CFAP58: variants seen among roughly 807,000 people sequenced by gnomAD.
CFAP58 encodes the protein cilia- and flagella-associated protein 58.
A neutral mutation model predicts 119.5 loss-of-function variants in CFAP58; 88 were observed. That is an observed-to-expected ratio of 0.74 (90% CI 0.62 to 0.88). CFAP58 has a LOEUF of 0.88. Among genes scored for constraint, CFAP58 ranks in the 40% least tolerant of loss-of-function variants. CFAP58 has a pLI of 0.00. For synonymous variants in CFAP58, 365 were observed against 366.3 expected (o/e 1.00, Z 0.04); for missense variants, 990 against 1,021.2 (o/e 0.97, Z 0.42).
At chr10:104,350,294 G>A (rs559130266), upstream of CFAP58, among the ~76,000 whole-genome samples, 5 of 152,302 alleles carry the variant, frequency 3.3e-5, no homozygotes, top group South Asian at 4.1e-4. Flanking sequence ...AGGGGCTGAC[G>A]CGATCTTGTT....
At chr10:104,365,108 A>G (rs1188908857) in intron 4 of CFAP58, among the ~76,000 whole-genome samples, 1 of 152,164 alleles carries the variant, frequency 6.6e-6, no homozygotes, top group African/African-American at 2.4e-5. Context: ...CTGTCTGAGA[A>G]GTCACTGAGG....
Position 104,396,910 on chromosome 10 carries a change from T to G in CFAP58, c.1675-2450T>G, listed in dbSNP as rs377266552. On this transcript the variant is annotated intron_variant, in intron 11 of 17. Coordinates refer to ENST00000369704, the MANE Select transcript of CFAP58 (RefSeq NM_001008723.2). ...GATGTTAACATTTTCTGCCAATGTC[T>G]AATGCCACATCTTGTTTACAGCCCA... 2.0e-5 allele frequency among the ~76,000 whole-genome samples: 3 copies of G among 152,338 alleles called. No individual in the cohort carries two copies. In the South Asian group the frequency reaches 6.2e-4, roughly 32 times the overall value.
intron 15 of CFAP58, among the ~76,000 whole-genome samples, chr10:104,425,332 G>T (rs1191173879): frequency 6.6e-6 from 1 of 152,198 alleles, no homozygotes; most frequent in Non-Finnish European, 1.5e-5. Context: ...GGAGTGTGGG[G>T]ATGTGGTTGA....
chr10:104,442,859 C>T (rs918183892), intron 15 of CFAP58, among the ~76,000 whole-genome samples: 1 of 152,122 alleles, frequency 6.6e-6, no homozygotes, highest in African/African-American at 2.4e-5. Context: ...ACTCATAGGA[C>T]CAGCTCAATA....
At chr10:104,375,720 G>T (rs1465125890) in intron 7 of CFAP58, among the ~76,000 whole-genome samples, 1 of 149,050 alleles carries the variant, frequency 6.7e-6, no homozygotes, top group Non-Finnish European at 1.5e-5. Flanking sequence ...GACATCAATC[G>T]AATACGTTTA....
At chr10:104,418,052 G>A (rs1164166043) in intron 15 of CFAP58, among the ~76,000 whole-genome samples, 1 of 152,186 alleles carries the variant, frequency 6.6e-6, no homozygotes, top group Admixed American at 6.5e-5. Flanking sequence ...ATATAAAATT[G>A]TGATGAAGTT....
chr10:104,396,464 AAGAG>A lies in CFAP58; in HGVS notation c.1675-2887_1675-2884del, dbSNP rs60164543. ...AAAGAGAGAGAGAGAAAGAAAGAGA[AAGAG>A]AGAGAGAGCCTAATTATTCTCATGG... On this transcript the variant is annotated intron_variant, in intron 11 of 17. Coordinates refer to ENST00000369704, the MANE Select transcript of CFAP58 (RefSeq NM_001008723.2). Among the ~76,000 whole-genome samples the A allele has an allele frequency of 9.6e-3, 1,042 of 107,998 alleles. 26 individuals carry two copies. Among genetic ancestry groups the A allele is most frequent in the African/African-American group, 0.032 (988 of 31,126 alleles). The allele number at this position is 107,998 out of a possible 152,430, so 70.9% of individuals were successfully genotyped here.
intron 9 of CFAP58, among the ~76,000 whole-genome samples, chr10:104,389,369 A>G (rs2011988557): frequency 6.6e-6 from 1 of 152,170 alleles, no homozygotes; most frequent in African/African-American, 2.4e-5. Flanking sequence ...TTGGATGCTC[A>G]AAAAAGAAAT....
At chr10:104,407,030 G>T (rs958019900) in intron 15 of CFAP58, among the ~76,000 whole-genome samples, 1 of 152,072 alleles carries the variant, frequency 6.6e-6, no homozygotes, top group African/African-American at 2.4e-5. Context: ...TACTGCAATG[G>T]GTAATGTGAG....
At chr10:104,389,797 A>G (rs905812008) in intron 9 of CFAP58, among the ~76,000 whole-genome samples, 4 of 152,206 alleles carry the variant, frequency 2.6e-5, no homozygotes, top group African/African-American at 4.8e-5. Flanking sequence ...AGTGAACAAT[A>G]CTGTACTCTG....
intron 1 of CFAP58, among the ~76,000 whole-genome samples, chr10:104,354,461 T>TC (rs2014513654): frequency 6.6e-6 from 1 of 151,434 alleles, no homozygotes; most frequent in Admixed American, 6.6e-5. Context: ...ACCCCACCAC[T>TC]CCCCCATATT....
chr10:104,360,828 G>C (rs1468273358), intron 2 of CFAP58, among the ~76,000 whole-genome samples: 2 of 152,074 alleles, frequency 1.3e-5, no homozygotes, highest in African/African-American at 2.4e-5. Context: ...CTTTTTTATG[G>C]CTGCATAGTA....
At chr10:104,442,416 C>G (rs2013052667) in intron 15 of CFAP58, among the ~76,000 whole-genome samples, 1 of 151,898 alleles carries the variant, frequency 6.6e-6, no homozygotes, top group Non-Finnish European at 1.5e-5. Context: ...GGTGAAACCC[C>G]ATCTCTACTG....
chr10:104,356,561 G>T (rs906624190), intron 1 of CFAP58, among the ~76,000 whole-genome samples: 1 of 152,170 alleles, frequency 6.6e-6, no homozygotes, highest in African/African-American at 2.4e-5. Flanking sequence ...GTTCCCTGTG[G>T]CCTGCAGAAT....
At chr10:104,344,486 AC>A in the CFAP58 span, among the ~76,000 whole-genome samples, 556 of 152,318 alleles carry the variant, frequency 3.7e-3, 1 homozygote, top group African/African-American at 0.013. Flanking sequence ...TGGGGCTCTA[AC>A]AGCACAGTTG....
chr10:104,388,222 G>A lies in CFAP58; in HGVS notation c.1366-4011G>A, dbSNP rs564596493. On this transcript the variant is annotated intron_variant, in intron 9 of 17. Transcript: ENST00000369704. ...CCTGCAGAACAGGATTTGATTCGGA[G>A]GAAAATCAAATTAACTTTTTAAAGT... Among the ~76,000 whole-genome samples the A allele has an allele frequency of 2.0e-5, 3 of 152,264 alleles. No homozygotes were observed. In the South Asian group the frequency reaches 6.2e-4, roughly 32 times the overall value.
intron 11 of CFAP58, among the ~76,000 whole-genome samples, chr10:104,399,087 C>T (rs2012213216): frequency 6.6e-6 from 1 of 152,088 alleles, no homozygotes; most frequent in South Asian, 2.1e-4. Context: ...GCCCCTGCTA[C>T]ACATATATAG....
At chr10:104,407,429 T>A (rs1240156069) in intron 15 of CFAP58, among the ~76,000 whole-genome samples, 1 of 152,194 alleles carries the variant, frequency 6.6e-6, no homozygotes, top group African/African-American at 2.4e-5. Context: ...CCCCAGCTGA[T>A]GACCGAGGAA....
chr10:104,401,709 A>G (rs1189028025), intron 13 of CFAP58, among the ~76,000 whole-genome samples: 1 of 152,212 alleles, frequency 6.6e-6, no homozygotes, highest in Non-Finnish European at 1.5e-5. Context: ...CAATGAATAT[A>G]TGCAGGAATA....
Sources: allele counts gnomAD v4.1 joint callset (sites outside exome capture counted in the v4.1 genomes callset), GRCh38; gene constraint gnomAD v4.1.1; transcripts MANE v1.5; gene names NCBI Gene and HGNC (gene_info 2026-07-23, HGNC 2026-07-21).